CDIN1: variants seen among roughly 807,000 people sequenced by gnomAD.
The protein encoded by CDIN1 is CDAN1-interacting nuclease 1.
A neutral mutation model predicts 45.3 loss-of-function variants in CDIN1; 33 were observed. That is an observed-to-expected ratio of 0.73 (90% CI 0.55 to 0.97). The LOEUF is 0.97. Ranked by LOEUF, CDIN1 falls within the 50% of genes least tolerant of loss-of-function variation. The pLI is 0.00. For missense variants in CDIN1, 303 were observed against 339.4 expected, an observed-to-expected ratio of 0.89 and a Z score of 0.84; for synonymous variants, 118 against 124.4, an observed-to-expected ratio of 0.95 and a Z score of 0.34.
At chr15:36,784,823 A>G (rs1036240526) in intron 10 of CDIN1, among the ~76,000 whole-genome samples, 4 of 152,114 alleles carry the variant, frequency 2.6e-5, no homozygotes, top group African/African-American at 7.2e-5. Flanking sequence ...TACCATAAAC[A>G]TAATTGTTGC....
chr15:36,709,212 T>C lies in CDIN1; in HGVS notation c.545-11T>C, dbSNP rs759488199. ...AGTGTTTTAAGTAAATAGTGTTTGTTCTTCCTGTAGATGAAGATCAGCTTC... is the reference window on the plus strand; with the variant it reads ...AGTGTTTTAAGTAAATAGTGTTTGTCCTTCCTGTAGATGAAGATCAGCTTC... On this transcript the variant is annotated splice_polypyrimidine_tract_variant and intron_variant, in intron 8 of 10. Transcript: ENST00000566621. 2 of 1,589,642 alleles carry C rather than the reference T, an allele frequency of 1.3e-6. No homozygotes were observed. The highest frequency in any genetic ancestry group is 4.5e-5 in the East Asian group (2 of 44,220).
Position 36,773,735 on chromosome 15 carries a change from A to G in CDIN1, c.717-34589A>G, listed in dbSNP as rs78231743. Among the ~76,000 whole-genome samples, 357 of 152,358 alleles carry G rather than the reference A, an allele frequency of 2.3e-3. 3 individuals are homozygous for G. Among genetic ancestry groups the G allele is most frequent in the African/African-American group, 8.4e-3 (349 of 41,576 alleles). On this transcript the variant is annotated intron_variant, in intron 10 of 10. Transcript: ENST00000566621. ...ACTCTATATGGCTAGATATTATTAT[A>G]GTGTAGGTTGGGTGAGAGGTACTGG...
intron 1 of CDIN1, among the ~76,000 whole-genome samples, chr15:36,607,726 C>T (rs1453947): frequency 0.13 from 20,142 of 152,066 alleles, 1,471 homozygotes; most frequent in Non-Finnish European, 0.16. Context: ...TCACATACTG[C>T]AACATTCACC....
chr15:36,755,904 A>G (rs1329753791), intron 10 of CDIN1: 1 of 335,528 alleles, frequency 3.0e-6, no homozygotes, highest in Non-Finnish European at 5.9e-6. Context: ...TATAGAATGT[A>G]ACTGAAGAGT....
At chr15:36,725,608 A>T (rs77614981) in intron 10 of CDIN1, among the ~76,000 whole-genome samples, 4 of 152,200 alleles carry the variant, frequency 2.6e-5, no homozygotes, top group Non-Finnish European at 2.9e-5. Flanking sequence ...TGAAGTAATT[A>T]TCTCCTGTGT....
rs1222786595 is a variant in CDIN1, at chr15:36,644,258, CCTT to C, written c.102-16_102-14del. The C allele has an allele frequency of 1.2e-6, 2 of 1,612,614 alleles. No individual in the cohort carries two copies. The highest frequency in any genetic ancestry group is 2.7e-5 in the African/African-American group (2 of 74,828). On this transcript the variant is annotated splice_polypyrimidine_tract_variant and intron_variant, in intron 1 of 10. Transcript: ENST00000566621. Reference sequence around the variant, plus strand: ...CGTGCACTCCAGTAATTAACTTTGTCCTTCTTTTATTTGTTCCAGTCAATCGCA... The same window carrying C: ...CGTGCACTCCAGTAATTAACTTTGTCCTTTTATTTGTTCCAGTCAATCGCA...
At chr15:36,658,401 A>G (rs1298605777) in intron 5 of CDIN1, 1 of 152,276 alleles carries the variant, frequency 6.6e-6, no homozygotes, top group East Asian at 1.9e-4. Flanking sequence ...GAAAAAATAC[A>G]TTTTGTTATT....
chr15:36,667,415 C>T (rs1450186747), intron 5 of CDIN1, among the ~76,000 whole-genome samples: 3 of 152,152 alleles, frequency 2.0e-5, no homozygotes, highest in African/African-American at 4.8e-5. Flanking sequence ...TTAGGTGTAG[C>T]ACCTAAAACG....
intron 8 of CDIN1, chr15:36,706,157 A>G (rs2042857020): frequency 6.6e-6 from 1 of 152,194 alleles, no homozygotes; most frequent in African/African-American, 2.4e-5. Context: ...ATTCTCAAGG[A>G]AAACATAAAT....
At chr15:36,771,704 C>A (rs1295736022) in intron 10 of CDIN1, among the ~76,000 whole-genome samples, 1 of 152,132 alleles carries the variant, frequency 6.6e-6, no homozygotes, top group African/African-American at 2.4e-5. Flanking sequence ...CCAAAGCAGG[C>A]AAATCACGAG....
At chr15:36,707,984 A>AGGG (rs2042929868) in intron 8 of CDIN1, 1 of 150,466 alleles carries the variant, frequency 6.6e-6, no homozygotes, top group Non-Finnish European at 1.5e-5. Flanking sequence ...TTCAAAATCT[A>AGGG]GACAGCTTAA....
At chr15:36,806,407 A>AT (rs2055227111) in intron 10 of CDIN1, among the ~76,000 whole-genome samples, 1 of 152,224 alleles carries the variant, frequency 6.6e-6, no homozygotes, top group Admixed American at 6.5e-5. Flanking sequence ...AATCTTTAAA[A>AT]TACTGGGCTT....
In CDIN1 at chr15:36,617,863, T is replaced by A. The variant is rs918585189; in HGVS notation, c.102-26415T>A. ...CTTTTAAATCCTTAAGAGAAGAAGT[T>A]AAAACATTTCAGGGCAAGCCAATTA... is the stretch of plus-strand genomic sequence containing the variant. On this transcript the variant is annotated intron_variant, in intron 1 of 10. Coordinates refer to ENST00000566621, the MANE Select transcript of CDIN1 (RefSeq NM_001321759.2). 6.4e-6 allele frequency: 5 copies of A among 778,682 alleles called. No homozygotes were observed. In the African/African-American group the frequency reaches 8.5e-5, roughly 13 times the overall value. The allele number at this position is 778,682 out of a possible 1,614,324, so 48.2% of individuals were successfully genotyped here.
chr15:36,796,399 A>T (rs1188149093), intron 10 of CDIN1, among the ~76,000 whole-genome samples: 1 of 152,228 alleles, frequency 6.6e-6, no homozygotes, highest in African/African-American at 2.4e-5. Flanking sequence ...CATTACATTT[A>T]CTAGAATGCC....
intron 5 of CDIN1, among the ~76,000 whole-genome samples, chr15:36,686,110 C>T (rs1160166345): frequency 6.6e-6 from 1 of 151,996 alleles, no homozygotes; most frequent in Non-Finnish European, 1.5e-5. Flanking sequence ...CACATGCACA[C>T]GTATGTTTAT....
chr15:36,751,919 T>C (rs2053484444), intron 10 of CDIN1, among the ~76,000 whole-genome samples: 1 of 152,194 alleles, frequency 6.6e-6, no homozygotes. Flanking sequence ...ACACTGCATG[T>C]TGTCACTTGT....
intron 3 of CDIN1, among the ~76,000 whole-genome samples, chr15:36,646,859 C>T (rs1350999675): frequency 6.6e-6 from 1 of 152,014 alleles, no homozygotes; most frequent in African/African-American, 2.4e-5. Flanking sequence ...ACTCATTTGC[C>T]TCATTGTAAG....
At chr15:36,797,953 C>G (rs1425097968) in intron 10 of CDIN1, among the ~76,000 whole-genome samples, 1 of 140,448 alleles carries the variant, frequency 7.1e-6, no homozygotes, top group African/African-American at 2.8e-5. Context: ...GCACTCCAGC[C>G]TGAGTGACAG....
chr15:36,625,978 T>A (rs2039406301), intron 1 of CDIN1, among the ~76,000 whole-genome samples: 1 of 152,050 alleles, frequency 6.6e-6, no homozygotes, highest in African/African-American at 2.4e-5. Flanking sequence ...GTAAGTAAAT[T>A]TATTCAAGAT....
Sources: allele counts gnomAD v4.1 joint callset (sites outside exome capture counted in the v4.1 genomes callset), GRCh38; gene constraint gnomAD v4.1.1; transcripts MANE v1.5; gene names NCBI Gene and HGNC (gene_info 2026-07-23, HGNC 2026-07-21).